ACTR3: variants seen among roughly 807,000 people sequenced by gnomAD.
The protein encoded by ACTR3 is actin-related protein 3.
A neutral mutation model predicts 56.8 loss-of-function variants in ACTR3; 12 were observed. The ratio of observed to expected loss-of-function variants is 0.21; its 90% CI spans 0.14 to 0.34. ACTR3 has a LOEUF of 0.34. ACTR3 is among the 10% of genes least tolerant of loss of function. ACTR3 has a pLI of 1.00. For synonymous variants in ACTR3, 162 were observed against 167.4 expected, an observed-to-expected ratio of 0.97 and a Z score of 0.25; for missense variants, 282 against 512.5, an observed-to-expected ratio of 0.55 and a Z score of 4.34.
chr2:113,893,022 TG>T (rs1678935290), intron 1 of ACTR3, among the ~76,000 whole-genome samples: 1 of 151,032 alleles, frequency 6.6e-6, no homozygotes, highest in African/African-American at 2.4e-5. Flanking sequence ...TCATTCACAT[TG>T]ATACCCTTAT....
At chr2:113,901,381 C>G (rs892679362) in intron 1 of ACTR3, among the ~76,000 whole-genome samples, 4 of 152,302 alleles carry the variant, frequency 2.6e-5, no homozygotes, top group Middle Eastern at 3.4e-3. Context: ...GTTTCTAACA[C>G]CAAATTACCT....
intron 3 of ACTR3, 38 bp from the exon 4 acceptor site, chr2:113,927,304 TTAA>T (rs1679639953): frequency 7.6e-7 from 1 of 1,316,934 alleles, no homozygotes; most frequent in Admixed American, 2.3e-5. Flanking sequence ...GTTTTTTATA[TTAA>T]TAAGATTTAA....
intron 1 of ACTR3, 107 bp downstream of exon 1, chr2:113,890,430 G>T: frequency 7.4e-7 from 1 of 1,353,244 alleles, no homozygotes; most frequent in Non-Finnish European, 1.0e-6. Context: ...GCCGCCGCCG[G>T]CTGTCAGTCC....
intron 1 of ACTR3, among the ~76,000 whole-genome samples, chr2:113,911,356 A>G (rs1019950752): frequency 6.7e-6 from 1 of 149,980 alleles, no homozygotes; most frequent in Admixed American, 6.6e-5. Flanking sequence ...GTAGACCAAT[A>G]TCACTTTTTT....
At chr2:113,926,959 A>G (rs1473883026) in intron 3 of ACTR3, among the ~76,000 whole-genome samples, 1 of 152,232 alleles carries the variant, frequency 6.6e-6, no homozygotes, top group Non-Finnish European at 1.5e-5. Flanking sequence ...ATACTTGTTA[A>G]TGGCCTAATG....
intron 1 of ACTR3, among the ~76,000 whole-genome samples, chr2:113,900,944 C>G (rs1225788343): frequency 6.6e-6 from 1 of 152,200 alleles, no homozygotes; most frequent in Non-Finnish European, 1.5e-5. Context: ...GTTTTTTAAA[C>G]CATTGCTGTT....
At chr2:113,906,514 G>A (rs1038841754) in intron 1 of ACTR3, among the ~76,000 whole-genome samples, 1 of 151,824 alleles carries the variant, frequency 6.6e-6, no homozygotes. Context: ...TGTGCTTTTG[G>A]TGTCATAGCC....
chr2:113,950,683 T>C (rs1680104832), intron 8 of ACTR3: 1 of 152,234 alleles, frequency 6.6e-6, no homozygotes, highest in Non-Finnish European at 1.5e-5. Context: ...GCATATGTAA[T>C]AGCATACATG....
Position 113,957,612 on chromosome 2 carries a change from C to T in ACTR3, c.*157C>T, listed in dbSNP as rs951921398. The T allele has an allele frequency of 3.7e-6, 2 of 544,922 alleles. No homozygotes were observed. The highest frequency in any genetic ancestry group is 6.6e-6 in the Non-Finnish European group (2 of 302,056). The allele number at this position is 544,922 out of a possible 1,614,324, so 33.8% of individuals were successfully genotyped here. A position where few individuals can be genotyped will look rare whatever the true frequency, so the allele number is the denominator to read the frequency against. On this transcript the variant is annotated 3_prime_UTR_variant, in exon 12 of 12. Coordinates refer to ENST00000263238, the MANE Select transcript of ACTR3 (RefSeq NM_005721.5). ...AGGAATATTTTAATAAGTGTATCAC[C>T]ATGCAGATGTAGAAGAGAGCGAAAG...
At chr2:113,908,005 G>A (rs1002466051) in intron 1 of ACTR3, among the ~76,000 whole-genome samples, 28 of 147,954 alleles carry the variant, frequency 1.9e-4, no homozygotes, top group Non-Finnish European at 3.1e-4. Context: ...AAAAAAAAGT[G>A]GGTTGCTGTG....
intron 1 of ACTR3, chr2:113,905,189 A>G (rs1346107473): frequency 2.0e-5 from 3 of 152,180 alleles, no homozygotes; most frequent in African/African-American, 2.4e-5. Context: ...CTGCTTTAAC[A>G]TGTGCGGTAG....
intron 5 of ACTR3, 130 bp downstream of exon 5, chr2:113,931,526 C>T (rs1679723959): frequency 2.2e-6 from 1 of 457,148 alleles, no homozygotes; most frequent in Non-Finnish European, 3.8e-6. Flanking sequence ...TTATACTTCT[C>T]TCCTGAATTG....
At chr2:113,938,632 A>G (rs1015745844) in intron 6 of ACTR3, among the ~76,000 whole-genome samples, 5 of 152,164 alleles carry the variant, frequency 3.3e-5, no homozygotes, top group Middle Eastern at 6.8e-3. Flanking sequence ...ATCAGGAACT[A>G]TTTCTGGCTA....
chr2:113,948,731 AC>A, intron 8 of ACTR3, among the ~76,000 whole-genome samples: 1 of 152,184 alleles, frequency 6.6e-6, no homozygotes, highest in South Asian at 2.1e-4. Flanking sequence ...TAAAATAATT[AC>A]CATTCATTCA....
At chr2:113,919,910 C>T (rs1268068138) in intron 3 of ACTR3, among the ~76,000 whole-genome samples, 3 of 151,814 alleles carry the variant, frequency 2.0e-5, no homozygotes, top group Non-Finnish European at 2.9e-5. Context: ...CACCATGCTT[C>T]GCTAATTTAT....
At chr2:113,922,523 G>A (rs568606815) in intron 3 of ACTR3, among the ~76,000 whole-genome samples, 149 of 152,146 alleles carry the variant, frequency 9.8e-4, no homozygotes, top group Non-Finnish European at 1.8e-3. Context: ...AAATCTTAGC[G>A]GTAGGGGCGG....
intron 1 of ACTR3, chr2:113,904,668 G>GT (rs1679161485): frequency 6.6e-6 from 1 of 152,160 alleles, no homozygotes; most frequent in Admixed American, 6.5e-5. Flanking sequence ...AATTGTTTTC[G>GT]TAAGTGGCTG....
intron 4 of ACTR3, among the ~76,000 whole-genome samples, chr2:113,930,844 G>A (rs142203868): frequency 5.9e-5 from 9 of 152,186 alleles, no homozygotes; most frequent in African/African-American, 1.7e-4. Flanking sequence ...GTAGAATCTC[G>A]GCTTGTTTAC....
rs201212896 is a variant in ACTR3 at position 113,914,630 on chromosome 2, A to G, written c.100+1403A>G. ...ACTCAGTCTCAAAAAAAAAAAAAAA[A>G]AAAGAAAGAAAAAGAAAAGAAATAC... On this transcript the variant is annotated intron_variant, in intron 2 of 11. Coordinates refer to ENST00000263238, the MANE Select transcript of ACTR3 (RefSeq NM_005721.5). Among the ~76,000 whole-genome samples, 562 of 148,954 alleles carry G rather than the reference A, an allele frequency of 3.8e-3. 5 individuals carry two copies. Among genetic ancestry groups the G allele is most frequent in the African/African-American group, 0.011 (420 of 39,120 alleles).
Sources: gnomAD v4.1 joint callset for allele counts (sites outside exome capture counted in the v4.1 genomes callset) on GRCh38, gnomAD v4.1.1 for gene constraint, MANE v1.5 for transcripts, NCBI Gene and HGNC (gene_info 2026-07-23, HGNC 2026-07-21) for gene names.